LRRC37A2: variants seen among roughly 807,000 people sequenced by gnomAD.
LRRC37A2 encodes the protein leucine rich repeat containing 37 member A2.
LRRC37A2 carries 9 observed loss-of-function variants against 68.8 expected under a neutral mutation model. That is an observed-to-expected ratio of 0.13 (90% CI 0.08 to 0.23). The LOEUF (loss-of-function observed/expected upper bound fraction) is 0.23. Among genes scored for constraint, LRRC37A2 ranks in the 10% least tolerant of loss-of-function variants. The probability of loss-of-function intolerance (pLI) is 1.00; values close to 1 mark genes in which losing one functional copy is unlikely to be tolerated. For missense variants in LRRC37A2, 168 were observed against 950.4 expected (o/e 0.18, Z 10.82); for synonymous variants, 63 against 367.6 (o/e 0.17, Z 9.48).
chr17:46,747,034 A>G, the LRRC37A2 span, among the ~76,000 whole-genome samples: 1 of 152,182 alleles, frequency 6.6e-6, no homozygotes, highest in Non-Finnish European at 1.5e-5. Flanking sequence ...TCTCTGGGAA[A>G]AATGTACACA....
At chr17:46,950,903 C>T in the LRRC37A2 span, among the ~76,000 whole-genome samples, 3 of 152,184 alleles carry the variant, frequency 2.0e-5, no homozygotes, top group Admixed American at 6.5e-5. Flanking sequence ...GTGACCCAGT[C>T]GGTGATGAGA....
the LRRC37A2 span, among the ~76,000 whole-genome samples, chr17:46,676,151 AC>A: frequency 2.8e-5 from 4 of 141,996 alleles, no homozygotes; most frequent in Non-Finnish European, 4.5e-5. Context: ...ATCTGCTGCC[AC>A]CACAGGGAAA....
At chr17:46,965,515 G>T in the LRRC37A2 span, among the ~76,000 whole-genome samples, 4 of 152,202 alleles carry the variant, frequency 2.6e-5, no homozygotes, top group Non-Finnish European at 4.4e-5. Flanking sequence ...TCTGTGGACT[G>T]TGGGCTTCCC....
At chr17:46,923,713 A>G in the LRRC37A2 span, 1 of 520,970 alleles carries the variant, frequency 1.9e-6, no homozygotes, top group Admixed American at 4.3e-5. Context: ...ATTGCTGTCC[A>G]CGTAGCATTC....
At chr17:46,501,254 C>A in the LRRC37A2 span, among the ~76,000 whole-genome samples, 2 of 151,050 alleles carry the variant, frequency 1.3e-5, no homozygotes, top group African/African-American at 2.5e-5. Flanking sequence ...TGGCTCACTG[C>A]GACCTCCGCC....
chr17:46,931,932 T>C, the LRRC37A2 span: 2 of 775,026 alleles, frequency 2.6e-6, no homozygotes, highest in South Asian at 2.8e-5. Context: ...TTAGATCTTG[T>C]GGTGAGGGGG....
chr17:46,950,864 A>T, the LRRC37A2 span, among the ~76,000 whole-genome samples: 1 of 152,216 alleles, frequency 6.6e-6, no homozygotes, highest in Non-Finnish European at 1.5e-5. Context: ...ACCAAGCCAG[A>T]CTTTCTGGGG....
chr17:46,799,376 C>A, the LRRC37A2 span, among the ~76,000 whole-genome samples: 20 of 152,146 alleles, frequency 1.3e-4, no homozygotes, highest in Admixed American at 6.6e-4. Context: ...ATTTTTATAA[C>A]CCTGCTACAT....
At chr17:46,723,991 C>T in the LRRC37A2 span, among the ~76,000 whole-genome samples, 1 of 152,160 alleles carries the variant, frequency 6.6e-6, no homozygotes, top group South Asian at 2.1e-4. Context: ...GTTCCTTCAT[C>T]ACCTCTTCTA....
chr17:47,038,341 T>G, the LRRC37A2 span, among the ~76,000 whole-genome samples: 1 of 151,716 alleles, frequency 6.6e-6, no homozygotes, highest in South Asian at 2.1e-4. Flanking sequence ...TGTGGCCAGA[T>G]GCAGTGGTGC....
chr17:46,815,093 C>G, the LRRC37A2 span, among the ~76,000 whole-genome samples: 1 of 152,154 alleles, frequency 6.6e-6, no homozygotes, highest in Non-Finnish European at 1.5e-5. Flanking sequence ...CTCCAGCAGG[C>G]CCCCTCCATC....
the LRRC37A2 span, among the ~76,000 whole-genome samples, chr17:46,809,179 C>T: frequency 2.6e-5 from 4 of 152,126 alleles, no homozygotes; most frequent in African/African-American, 4.8e-5. Context: ...CATAGGGAGC[C>T]TCAGTACCAG....
the LRRC37A2 span, among the ~76,000 whole-genome samples, chr17:46,736,342 G>A: frequency 2.0e-5 from 3 of 152,170 alleles, no homozygotes; most frequent in African/African-American, 7.2e-5. Context: ...GCTTGTGGCT[G>A]AAGTTCCCCT....
At chr17:46,827,363 C>T in the LRRC37A2 span, among the ~76,000 whole-genome samples, 4 of 152,146 alleles carry the variant, frequency 2.6e-5, no homozygotes, top group African/African-American at 4.8e-5. Flanking sequence ...CTTAAAATGA[C>T]ACACAGTAAG....
chr17:46,743,800 C>G, the LRRC37A2 span, among the ~76,000 whole-genome samples: 1 of 152,322 alleles, frequency 6.6e-6, no homozygotes, highest in East Asian at 1.9e-4. Flanking sequence ...AGGTCTTCCT[C>G]CTCAAGAGCC....
the LRRC37A2 span, among the ~76,000 whole-genome samples, chr17:47,040,568 C>T: frequency 9.0e-6 from 1 of 111,640 alleles, no homozygotes; most frequent in African/African-American, 3.1e-5. Context: ...TCATGTGTTG[C>T]CACTAAAGTA....
the LRRC37A2 span, among the ~76,000 whole-genome samples, chr17:47,037,269 AAC>A: frequency 6.6e-6 from 1 of 152,140 alleles, no homozygotes; most frequent in Non-Finnish European, 1.5e-5. Flanking sequence ...AAGCCTGGGC[AAC>A]AGAGTGAGAC....
chr17:46,762,172 C>T, the LRRC37A2 span, among the ~76,000 whole-genome samples: 1 of 152,244 alleles, frequency 6.6e-6, no homozygotes, highest in Admixed American at 6.5e-5. Context: ...CTGCGGTCTG[C>T]TGGCCTTGGG....
the LRRC37A2 span, chr17:46,769,923 C>G: frequency 6.2e-7 from 1 of 1,613,488 alleles, no homozygotes. Context: ...CAGCCTTCGC[C>G]AGGCGGCCCC....
Sources: gnomAD v4.1 joint callset for allele counts (sites outside exome capture counted in the v4.1 genomes callset) on GRCh38, gnomAD v4.1.1 for gene constraint, MANE v1.5 for transcripts, NCBI Gene and HGNC (gene_info 2026-07-23, HGNC 2026-07-21) for gene names.